FLT1: variants seen among roughly 807,000 people sequenced by gnomAD.
FLT1 encodes fms related receptor tyrosine kinase 1, also known as vascular endothelial growth factor receptor 1.
In FLT1, 49 loss-of-function variants were observed where a neutral mutation model predicts 156.3. That is an observed-to-expected ratio of 0.31 (90% CI 0.25 to 0.40). The LOEUF is 0.40. Ranked by LOEUF, FLT1 falls within the 10% of genes least tolerant of loss-of-function variation. The probability of loss-of-function intolerance (pLI) is 1.00; values close to 1 mark genes in which losing one functional copy is unlikely to be tolerated. For missense variants in FLT1, 1,322 were observed against 1,637.2 expected (o/e 0.81, Z 3.32); for synonymous variants, 594 against 583.8 (o/e 1.02, Z -0.25).
intron 17 of FLT1, among the ~76,000 whole-genome samples, chr13:28,335,357 C>A (rs768453112): frequency 2.9e-4 from 44 of 152,230 alleles, no homozygotes; most frequent in Admixed American, 1.6e-3. Flanking sequence ...CTTTCTTAGA[C>A]CCGTCTGATA....
rs571722084 is a variant in FLT1 at position 28,301,746 on chromosome 13, C to T, written c.*1421G>A. 25 of 233,286 alleles carry T rather than the reference C, an allele frequency of 1.1e-4. No individual in the cohort carries two copies. The highest frequency in any genetic ancestry group is 4.5e-4 in the Admixed American group (8 of 17,788). The allele number at this position is 233,286 out of a possible 1,614,324, so 14.5% of individuals were successfully genotyped here. ...TGATCTTTAGACCCTGAAGAGTAGGCGCCCTTTCCTACCCTGTCTCCCTAT... is the reference window on the plus strand; with the variant it reads ...TGATCTTTAGACCCTGAAGAGTAGGTGCCCTTTCCTACCCTGTCTCCCTAT... On this transcript the variant is annotated 3_prime_UTR_variant, in exon 30 of 30. Coordinates refer to ENST00000282397, the MANE Select transcript of FLT1 (RefSeq NM_002019.4).
intron 10 of FLT1, among the ~76,000 whole-genome samples, chr13:28,421,849 C>T (rs1298740842): frequency 2.0e-5 from 3 of 152,148 alleles, no homozygotes; most frequent in African/African-American, 4.8e-5. Context: ...AGGGGAAGCA[C>T]GACCATTGCC....
chr13:28,434,081 G>T lies in FLT1; in HGVS notation c.653C>A (p.Thr218Lys). The change falls in exon 5 of 30, where the codon ACA (threonine) becomes AAA (lysine). Residue 218 changes from threonine (T) to lysine (K), a missense_variant. Around this residue, in one of 3 missense-constraint regions of FLT1, gnomAD observed 991 missense variants for 1,254.8 expected, o/e 0.79. Coordinates refer to ENST00000282397, the MANE Select transcript of FLT1 (RefSeq NM_002019.4). ...ACTTTGTCGATGTGTGAGATAGTTT[G>T]TCTTATACAAATGCCCATTGACTGT... The part of the protein sequence containing the change: ...EATVNGHLYK[T>K]NYLTHRQTNT... The T allele has an allele frequency of 6.2e-7, 1 of 1,614,160 alleles. No homozygotes were observed. Among genetic ancestry groups the T allele is most frequent in the Non-Finnish European group, 8.5e-7 (1 of 1,180,006 alleles).
chr13:28,398,767 TG>T (rs1875229472), intron 11 of FLT1, among the ~76,000 whole-genome samples: 1 of 152,224 alleles, frequency 6.6e-6, no homozygotes, highest in Non-Finnish European at 1.5e-5. Flanking sequence ...GCCCAGATGT[TG>T]TAAGAGAGAC....
chr13:28,467,697 G>A (rs967155430), intron 1 of FLT1, 80 bp from the exon 2 acceptor site: 18 of 744,916 alleles, frequency 2.4e-5, no homozygotes, highest in Admixed American at 2.6e-5. Context: ...ATGAAGGTGA[G>A]TTTTTCATTT....
intron 12 of FLT1, 60 bp downstream of exon 12, chr13:28,396,900 C>T: frequency 9.9e-7 from 1 of 1,013,004 alleles, no homozygotes; most frequent in Non-Finnish European, 1.6e-6. Flanking sequence ...TAAAAGCAAA[C>T]AAGACTGAAG....
chr13:28,448,671 GTGA>G (rs944833835), intron 3 of FLT1, among the ~76,000 whole-genome samples: 11 of 152,292 alleles, frequency 7.2e-5, no homozygotes, highest in African/African-American at 2.4e-4. Context: ...AAAATTGACC[GTGA>G]TGATGATGGT....
At chr13:28,486,705 C>G (rs1881189321) in intron 1 of FLT1, among the ~76,000 whole-genome samples, 2 of 152,256 alleles carry the variant, frequency 1.3e-5, no homozygotes, top group South Asian at 4.1e-4. Context: ...AATCTAGACT[C>G]ATTGATTCAA....
chr13:28,302,963 C>T lies in FLT1; in HGVS notation c.*204G>A. The T allele has an allele frequency of 3.4e-6, 2 of 590,516 alleles. No homozygotes were observed. Among genetic ancestry groups the T allele is most frequent in the South Asian group, 4.1e-5 (2 of 48,684 alleles). 36.6% of individuals were successfully genotyped at this position (590,516 alleles called of 1,614,324 possible). On this transcript the variant is annotated 3_prime_UTR_variant, in exon 30 of 30. Coordinates refer to ENST00000282397, the MANE Select transcript of FLT1 (RefSeq NM_002019.4). ...AACATGAGGATTTAGCAGTAGTGTT[C>T]TTCACTTGTCACTATTTCTCTATCT...
At chr13:28,396,859 TA>T (rs374154269) in intron 12 of FLT1, 100 bp downstream of exon 12, 234 of 753,558 alleles carry the variant, frequency 3.1e-4, no homozygotes, top group Non-Finnish European at 4.2e-4. Context: ...TCTATGGAAT[TA>T]AAAAAAAATC....
At position 28,434,150 on chromosome 13, in the gene FLT1, G is replaced by A. The variant is rs747895856; in HGVS notation, c.584C>T (p.Ser195Leu). Residue 195 changes from serine to leucine, a missense_variant, in exon 5 of 30, where the codon TCA becomes TTA. Physicochemically the swap from Ser to Leu is moderately radical, Grantham distance 145. Coordinates refer to ENST00000282397, the MANE Select transcript of FLT1 (RefSeq NM_002019.4). Reference protein sequence around the residue: ...IWDSRKGFIISNATYKEIGLL... With the variant: ...IWDSRKGFIILNATYKEIGLL... Reference sequence around the variant, plus strand: ...CCCTATTTCTTTGTACGTTGCATTTGATATGATGAAGCCCTTTCTACTGTC... The same window carrying A: ...CCCTATTTCTTTGTACGTTGCATTTAATATGATGAAGCCCTTTCTACTGTC... The A allele has an allele frequency of 6.2e-7, 1 of 1,613,912 alleles. No individual in the cohort carries two copies. Among genetic ancestry groups the A allele is most frequent in the Non-Finnish European group, 8.5e-7 (1 of 1,179,954 alleles).
At position 28,427,936 on chromosome 13, in the gene FLT1, A is replaced by G. The variant is rs745600905; in HGVS notation, c.1107-15T>C. ...CATCTTTTAACCTGTGGTTAAAAAC[A>G]TGATCAGTAAGTCATTTCACACGGC... On this transcript the variant is annotated splice_polypyrimidine_tract_variant and intron_variant, in intron 8 of 29. Coordinates refer to ENST00000282397, the MANE Select transcript of FLT1 (RefSeq NM_002019.4). The G allele has an allele frequency of 1.9e-6, 3 of 1,610,992 alleles. No homozygotes were observed. Among genetic ancestry groups the G allele is most frequent in the African/African-American group, 2.7e-5 (2 of 74,876 alleles).
intron 29 of FLT1, among the ~76,000 whole-genome samples, chr13:28,305,008 G>T (rs529741457): frequency 1.3e-5 from 2 of 152,108 alleles, no homozygotes; most frequent in Non-Finnish European, 2.9e-5. Context: ...TGCAAGTTTT[G>T]CTGTGGACAT....
chr13:28,487,536 G>T (rs1350969513), intron 1 of FLT1, among the ~76,000 whole-genome samples: 1 of 152,100 alleles, frequency 6.6e-6, no homozygotes, highest in Non-Finnish European at 1.5e-5. Flanking sequence ...CTGAGAAAAA[G>T]TGCCTGTGAG....
intron 1 of FLT1, among the ~76,000 whole-genome samples, chr13:28,491,008 C>T (rs933148984): frequency 7.9e-5 from 12 of 152,200 alleles, no homozygotes; most frequent in Non-Finnish European, 1.8e-4. Flanking sequence ...CAGTTTAAAG[C>T]ACTACAGAAG....
intron 4 of FLT1, 44 bp downstream of exon 4, chr13:28,438,177 A>G (rs1878134561): frequency 6.3e-7 from 1 of 1,594,822 alleles, no homozygotes; most frequent in African/African-American, 1.3e-5. Flanking sequence ...CATTATGCTT[A>G]TTTGCAGTGA....
chr13:28,387,319 A>C (rs896982416), intron 13 of FLT1: 1 of 1,046,178 alleles, frequency 9.6e-7, no homozygotes, highest in African/African-American at 1.7e-5. Flanking sequence ...ATGACCAATC[A>C]ACCCAAGAAT....
At chr13:28,431,789 G>A (rs1163581721) in intron 6 of FLT1, among the ~76,000 whole-genome samples, 1 of 152,098 alleles carries the variant, frequency 6.6e-6, no homozygotes, top group African/African-American at 2.4e-5. Flanking sequence ...TTAGTGTCTG[G>A]CTTAATGACA....
At chr13:28,397,115 A>G in intron 11 of FLT1, 47 bp from the exon 12 acceptor site, 1 of 1,061,502 alleles carries the variant, frequency 9.4e-7, no homozygotes. Context: ...CAAATAACTA[A>G]TTGAACACCC....
Sources: gnomAD v4.1 joint callset for allele counts (sites outside exome capture counted in the v4.1 genomes callset) on GRCh38, gnomAD v4.1.1 for gene constraint, gnomAD v4.1.1 regional missense constraint, MANE v1.5 for transcripts, NCBI Gene and HGNC (gene_info 2026-07-23, HGNC 2026-07-21) for gene names.